Variants in MAP4K3 observed in about 807,000 individuals in gnomAD.
The protein encoded by MAP4K3 is MAPK/ERK kinase kinase kinase 3.
A neutral mutation model predicts 143.5 loss-of-function variants in MAP4K3; 94 were observed. That is an observed-to-expected ratio of 0.65 (90% CI 0.55 to 0.78). MAP4K3 has a LOEUF of 0.78. MAP4K3 is among the 30% of genes least tolerant of loss of function. The pLI, the probability that MAP4K3 is intolerant of heterozygous loss-of-function variation, is 0.00. For missense variants in MAP4K3, 1,077 were observed against 1,068.1 expected, an observed-to-expected ratio of 1.01 and a Z score of -0.12; for synonymous variants, 416 against 347.2, an observed-to-expected ratio of 1.20 and a Z score of -2.20.
At chr2:39,354,417 T>C (rs998471839) in intron 3 of MAP4K3, among the ~76,000 whole-genome samples, 16 of 151,844 alleles carry the variant, frequency 1.1e-4, no homozygotes, top group African/African-American at 3.4e-4. Flanking sequence ...CACTCCAGCC[T>C]GGGTGACAGA....
chr2:39,340,795 C>G (rs898121745), intron 4 of MAP4K3, among the ~76,000 whole-genome samples: 2 of 152,028 alleles, frequency 1.3e-5, no homozygotes, highest in African/African-American at 4.8e-5. Flanking sequence ...AATTTCTAGA[C>G]ATGAAAATAT....
At position 39,275,384 on chromosome 2, in the gene MAP4K3, G is replaced by A. The variant is rs115783437; in HGVS notation, c.1795-2842C>T. 4.6e-3 allele frequency among the ~76,000 whole-genome samples: 705 copies of A among 152,238 alleles called. 11 individuals carry two copies. The highest frequency in any genetic ancestry group is 0.016 in the African/African-American group (673 of 41,542). ...GGCTGTAGTCCCAGCTACTGAGAAC[G>A]CTGAGGTGGGTCACTTGAGCCCAGG... is the stretch of plus-strand genomic sequence containing the variant. On this transcript the variant is annotated intron_variant, in intron 24 of 33. Transcript: ENST00000263881.
chr2:39,411,802 G>C (rs1285826079), intron 1 of MAP4K3, among the ~76,000 whole-genome samples: 1 of 152,180 alleles, frequency 6.6e-6, no homozygotes, highest in African/African-American at 2.4e-5. Flanking sequence ...GTGACTAAAC[G>C]TAATGGCTTG....
chr2:39,273,630 G>A (rs1681127765), intron 24 of MAP4K3, among the ~76,000 whole-genome samples: 1 of 151,988 alleles, frequency 6.6e-6, no homozygotes, highest in African/African-American at 2.4e-5. Flanking sequence ...AAAGAGAAAA[G>A]GTAATAATAA....
chr2:39,278,646 T>C (rs1262434961), intron 23 of MAP4K3, among the ~76,000 whole-genome samples, 160 bp from the exon 24 acceptor site: 1 of 152,200 alleles, frequency 6.6e-6, no homozygotes, highest in Non-Finnish European at 1.5e-5. Context: ...TTTAGACCCA[T>C]AAACTGAATT....
intron 1 of MAP4K3, among the ~76,000 whole-genome samples, chr2:39,388,077 A>T (rs1666558188): frequency 6.6e-6 from 1 of 152,236 alleles, no homozygotes; most frequent in Non-Finnish European, 1.5e-5. Context: ...GACCTGTTCC[A>T]TATCAATAAC....
intron 2 of MAP4K3, among the ~76,000 whole-genome samples, chr2:39,367,921 AT>A (rs1013873720): frequency 7.9e-5 from 12 of 152,152 alleles, no homozygotes; most frequent in African/African-American, 2.9e-4. Flanking sequence ...CTCCTTTCTT[AT>A]TTTAAAGGAA....
At chr2:39,276,417 A>C (rs1460794412) in intron 24 of MAP4K3, among the ~76,000 whole-genome samples, 1 of 152,174 alleles carries the variant, frequency 6.6e-6, no homozygotes, top group Non-Finnish European at 1.5e-5. Flanking sequence ...TAGATCTCTG[A>C]TCTTTCTCTA....
chr2:39,418,198 G>A (rs58054533), intron 1 of MAP4K3, among the ~76,000 whole-genome samples: 2 of 65,954 alleles, frequency 3.0e-5, no homozygotes, highest in Admixed American at 2.0e-4. Context: ...ACAAGACTCC[G>A]TCTCAAAAAA....
At chr2:39,266,154 C>T (rs900797305) in intron 27 of MAP4K3, among the ~76,000 whole-genome samples, 4 of 152,196 alleles carry the variant, frequency 2.6e-5, no homozygotes, top group Non-Finnish European at 4.4e-5. Context: ...AAATTTGCTG[C>T]AGTTCTAACA....
chr2:39,333,961 TTGTGTGTGTGTG>T (rs60361690), intron 6 of MAP4K3, among the ~76,000 whole-genome samples: 16,994 of 144,104 alleles, frequency 0.12, 1,827 homozygotes, highest in African/African-American at 0.29. Context: ...TTTCCCATTT[TTGTGTGTGTGTG>T]TGTGTGTGTG....
intron 1 of MAP4K3, among the ~76,000 whole-genome samples, chr2:39,420,214 C>T (rs758697061): frequency 2.0e-4 from 31 of 152,216 alleles, no homozygotes; most frequent in Non-Finnish European, 4.4e-5. Flanking sequence ...CAATCTTTCA[C>T]TACTCTTATT....
chr2:39,370,617 C>T (rs1359518572), intron 2 of MAP4K3, among the ~76,000 whole-genome samples: 4 of 152,186 alleles, frequency 2.6e-5, no homozygotes, highest in Non-Finnish European at 5.9e-5. Context: ...TAAAATTTAG[C>T]TTTACAATTT....
chr2:39,385,968 C>T (rs1445998338), intron 1 of MAP4K3, among the ~76,000 whole-genome samples: 1 of 152,092 alleles, frequency 6.6e-6, no homozygotes, highest in Non-Finnish European at 1.5e-5. Context: ...ATTCTTCATT[C>T]TTGTTAACAG....
At chr2:39,280,220 G>A in intron 23 of MAP4K3, 52 bp downstream of exon 23, 1 of 1,007,898 alleles carries the variant, frequency 9.9e-7, no homozygotes, top group Non-Finnish European at 1.4e-6. Flanking sequence ...TGCTTTCATG[G>A]CCCCAGTTTT....
intron 12 of MAP4K3, among the ~76,000 whole-genome samples, chr2:39,317,568 A>G (rs981240646): frequency 1.3e-5 from 2 of 151,838 alleles, no homozygotes; most frequent in Non-Finnish European, 2.9e-5. Flanking sequence ...ACAAGCAAAA[A>G]ACAACTCTAT....
chr2:39,387,895 A>T (rs73923895), intron 1 of MAP4K3, among the ~76,000 whole-genome samples: 7,297 of 152,280 alleles, frequency 0.048, 293 homozygotes, highest in African/African-American at 0.11. Flanking sequence ...ATAAAAAAAA[A>T]TTTTAAAAAC....
chr2:39,373,647 G>A (rs892947637), intron 2 of MAP4K3, among the ~76,000 whole-genome samples: 1 of 152,168 alleles, frequency 6.6e-6, no homozygotes, highest in African/African-American at 2.4e-5. Flanking sequence ...AACATGGGTG[G>A]AACTGGAAGT....
chr2:39,358,123 C>T (rs1256981964), intron 2 of MAP4K3, among the ~76,000 whole-genome samples: 1 of 152,212 alleles, frequency 6.6e-6, no homozygotes, highest in Non-Finnish European at 1.5e-5. Context: ...TATACCTGTA[C>T]ATGACCAATA....
Sources: allele counts gnomAD v4.1 joint callset (sites outside exome capture counted in the v4.1 genomes callset), GRCh38; gene constraint gnomAD v4.1.1; transcripts MANE v1.5; gene names NCBI Gene and HGNC (gene_info 2026-07-23, HGNC 2026-07-21).